The following LIG3 variants were observed in gnomAD, a reference collection of about 807,000 sequenced individuals.
LIG3 encodes the protein DNA ligase 3, also known as ligase II, DNA, ATP-dependent.
Under a neutral mutation model 110.9 loss-of-function variants are expected in LIG3, and 58 were observed. The ratio of observed to expected loss-of-function variants is 0.52; its 90% CI spans 0.42 to 0.65. The LOEUF is 0.65. LIG3 is among the 30% of genes least tolerant of loss of function. The pLI is 0.00. For missense variants in LIG3, 1,094 were observed against 1,273.8 expected (o/e 0.86, Z 2.15); for synonymous variants, 422 against 472.8 (o/e 0.89, Z 1.39).
intron 19 of LIG3, chr17:35,003,136 T>C: frequency 1.3e-6 from 2 of 1,578,692 alleles, no homozygotes; most frequent in South Asian, 2.3e-5. Context: ...AAAAGACCAG[T>C]CTGGGTGTGG....
Position 34,996,079 on chromosome 17 carries a change from G to A in LIG3, c.1627G>A (p.Asp543Asn), listed in dbSNP as rs147386726. The change falls in exon 10 of 20, where the codon GAC becomes AAC. Residue 543 changes from aspartate to asparagine, a missense_variant. Coordinates refer to ENST00000378526, the MANE Select transcript of LIG3 (RefSeq NM_013975.4). Reference sequence around the variant, plus strand: ...CTGCTTTCAGGTGGCCCACTTTAAGGACTACATTCCCCAGGCTTTTCCTGG... The same window carrying A: ...CTGCTTTCAGGTGGCCCACTTTAAGAACTACATTCCCCAGGCTTTTCCTGG... The part of the protein sequence containing the change: ...VLPHKVAHFK[D>N]YIPQAFPGGH... 2.5e-6 allele frequency: 4 copies of A among 1,613,764 alleles called. No homozygotes were observed. The highest frequency in any genetic ancestry group is 2.5e-6 in the Non-Finnish European group (3 of 1,179,860).
Position 34,996,150 on chromosome 17 carries a change from C to G in LIG3, c.1698C>G (p.Asn566Lys), listed in dbSNP as rs199764227. 13 of 1,614,156 alleles carry G rather than the reference C, an allele frequency of 8.1e-6. No homozygotes were observed. Among genetic ancestry groups the G allele is most frequent in the Non-Finnish European group, 9.3e-6 (11 of 1,180,028 alleles). ...ILDSEVLLID[N>K]KTGKPLPFGT... ...ATTCTGAAGTGCTTCTGATTGACAA[C>G]AAGACAGGCAAACCACTGCCCTTTG... is the stretch of plus-strand genomic sequence containing the variant. Residue 566 changes from asparagine to lysine, a missense_variant, in exon 10 of 20, where the codon AAC (asparagine) becomes AAG (lysine). Physicochemically the swap from Asn to Lys is moderately conservative, Grantham distance 94 (BLOSUM62 0). Coordinates refer to ENST00000378526, the MANE Select transcript of LIG3 (RefSeq NM_013975.4).
In LIG3 at chr17:34,994,028, C is replaced by G. The variant is rs570153794; in HGVS notation, c.1456-248C>G. On this transcript the variant is annotated intron_variant, in intron 8 of 19. Transcript: ENST00000378526. ...CTTTTACTTGTTGTACAATGAATAG[C>G]ATTCATATTCCTCAAAAGGCAAGCT... 3.9e-5 allele frequency among the ~76,000 whole-genome samples: 6 copies of G among 152,268 alleles called. No individual in the cohort carries two copies. In the South Asian group the frequency reaches 6.2e-4, roughly 16 times the overall value.
At position 34,991,969 on chromosome 17, in the gene LIG3, A is replaced by G. The variant is rs375415869; in HGVS notation, c.1220A>G (p.Asn407Ser). The change falls in exon 7 of 20, where the codon AAT (asparagine) becomes AGT (serine). Residue 407 changes from asparagine to serine, a missense_variant. Physicochemically the swap from Asn to Ser is conservative, Grantham distance 46 (BLOSUM62 1). Transcript: ENST00000378526. Reference sequence around the variant, plus strand: ...CTTCATCCCCCTAGGTGTACAGCCAATGACCTTAAATGCATCATCAGGTTG... The same window carrying G: ...CTTCATCCCCCTAGGTGTACAGCCAGTGACCTTAAATGCATCATCAGGTTG... ...LQDIASRCTA[N>S]DLKCIIRLIK... 1.3e-4 allele frequency: 210 copies of G among 1,614,228 alleles called. 3 individuals are homozygous for G. In the South Asian group the frequency reaches 1.9e-3, roughly 15 times the overall value.
Position 35,002,775 on chromosome 17 carries a change from C to G in LIG3, c.2782C>G (p.Leu928Val). ...GAAGCGGAAAGCTGCTGATGAGACGCTGTGCCAAACAAAGGTGAGGGTAAA... is the reference window on the plus strand; with the variant it reads ...GAAGCGGAAAGCTGCTGATGAGACGGTGTGCCAAACAAAGGTGAGGGTAAA... ...GEKRKAADET[L>V]CQTKVLLDIF... is the part of the protein sequence containing the mutation. The change falls in exon 19 of 20, where the codon CTG (leucine) becomes GTG (valine). Residue 928 changes from leucine (L) to valine (V), a missense_variant. Transcript: ENST00000378526. 6.2e-7 allele frequency: 1 copy of G among 1,603,324 alleles called. No homozygotes were observed. Among genetic ancestry groups the G allele is most frequent in the South Asian group, 1.1e-5 (1 of 89,444 alleles).
At chr17:35,003,857 A>G in intron 19 of LIG3, 1 of 176,286 alleles carries the variant, frequency 5.7e-6, no homozygotes, top group Non-Finnish European at 1.2e-5. Context: ...GAAGTCCTTG[A>G]ACCCATTGAG....
chr17:34,989,983 A>G (rs926476239), intron 4 of LIG3: 4 of 307,872 alleles, frequency 1.3e-5, no homozygotes, highest in Non-Finnish European at 2.5e-5. Context: ...TACATATTTA[A>G]TTAGGTTTTT....
intron 1 of LIG3, chr17:34,981,089 C>G (rs1274235284): frequency 6.6e-6 from 1 of 152,428 alleles, no homozygotes; most frequent in Non-Finnish European, 1.5e-5. Flanking sequence ...GGAAGCCCTT[C>G]GAGAAAAGCG....
intron 4 of LIG3, 98 bp from the exon 5 acceptor site, chr17:34,990,865 G>A: frequency 1.7e-6 from 2 of 1,154,404 alleles, no homozygotes; most frequent in South Asian, 1.5e-5. Flanking sequence ...CCAAAGTGCT[G>A]AGATTACAGG....
In LIG3 at chr17:34,998,254, G is replaced by C; in HGVS notation, c.1947G>C (p.Val649=). Reference sequence around the variant, plus strand: ...ACTTGGCTGACATGATAACCCGGGTGATCCAGGAGGGATTGGAGGGGCTGG... The same window carrying C: ...ACTTGGCTGACATGATAACCCGGGTCATCCAGGAGGGATTGGAGGGGCTGG... ...ALDLADMITR[V]IQEGLEGLVL... The change falls in exon 13 of 20, where the codon GTG becomes GTC. Residue 649 remains valine, a synonymous_variant. Transcript: ENST00000378526. The C allele has an allele frequency of 6.2e-7, 1 of 1,613,710 alleles. No homozygotes were observed. The highest frequency in any genetic ancestry group is 8.5e-7 in the Non-Finnish European group (1 of 1,179,794).
chr17:35,003,371 GCACTGCAACCTCCGCT>G (rs1183748066), intron 19 of LIG3: 2 of 297,838 alleles, frequency 6.7e-6, no homozygotes, highest in East Asian at 7.3e-5. Context: ...CAATCACAGC[GCACTGCAACCTCCGCT>G]CACTGCAACC....
At chr17:34,990,457 T>G (rs2090707062) in intron 4 of LIG3, among the ~76,000 whole-genome samples, 1 of 152,216 alleles carries the variant, frequency 6.6e-6, no homozygotes, top group Admixed American at 6.5e-5. Flanking sequence ...TTTTTGTATT[T>G]TTTGTAGAGA....
chr17:34,989,087 C>T (rs890385008), intron 3 of LIG3, among the ~76,000 whole-genome samples: 43 of 152,210 alleles, frequency 2.8e-4, no homozygotes, highest in African/African-American at 9.4e-4. Flanking sequence ...AGCAGTCCTC[C>T]CGCGTTGGCC....
At chr17:34,997,603 T>TA (rs568275788) in intron 11 of LIG3, 135 bp from the exon 12 acceptor site, 1 of 670,868 alleles carries the variant, frequency 1.5e-6, no homozygotes, top group Non-Finnish European at 2.7e-6. Context: ...GCAGAACTGT[T>TA]ACACATGAGG....
intron 19 of LIG3, 52 bp downstream of exon 19, chr17:35,002,841 G>A (rs774152113): frequency 3.2e-6 from 5 of 1,572,244 alleles, no homozygotes; most frequent in Admixed American, 1.7e-5. Context: ...CCCAGGTTGT[G>A]TTCCCAACCT....
Position 35,002,231 on chromosome 17 carries a change from A to G in LIG3, c.2674+127A>G, listed in dbSNP as rs1300238543. On this transcript the variant is annotated intron_variant, in intron 18 of 19. Transcript: ENST00000378526. ...ATTATCTGTGTCCACTGCAGTGGAC[A>G]CAGACTACATTCCTGGTGTGTGTCC... 4 of 816,890 alleles carry G rather than the reference A, an allele frequency of 4.9e-6. No homozygotes were observed. In the East Asian group the frequency reaches 1.1e-4, roughly 23 times the overall value. 50.6% of individuals were successfully genotyped at this position (816,890 alleles called of 1,614,324 possible).
intron 18 of LIG3, 67 bp downstream of exon 18, chr17:35,002,171 G>A: frequency 7.3e-7 from 1 of 1,364,302 alleles, no homozygotes; most frequent in Admixed American, 2.5e-5. Flanking sequence ...CAAGGGCAGG[G>A]ACCCAGTCTC....
intron 16 of LIG3, 79 bp downstream of exon 16, chr17:34,999,935 C>A: frequency 8.4e-7 from 1 of 1,192,814 alleles, no homozygotes; most frequent in Non-Finnish European, 1.2e-6. Context: ...GAATCCATCT[C>A]ACCTCGCTGA....
rs1297539332 is a variant in LIG3 at position 34,986,046 on chromosome 17, G to A, written c.606G>A (p.Leu202=). 1 of 1,614,146 alleles carries A rather than the reference G, an allele frequency of 6.2e-7. No individual in the cohort carries two copies. The highest frequency in any genetic ancestry group is 1.1e-5 in the South Asian group (1 of 91,068). Residue 202 remains leucine, a synonymous_variant, in exon 3 of 20, where the codon TTG becomes TTA. Transcript: ENST00000378526. ...PKKKAVVQAK[L]TTTGQVTSPV... is the part of the protein sequence containing the mutation. The stretch of plus-strand genomic sequence containing the variant: ...AGAAAGCTGTTGTCCAGGCTAAGTT[G>A]ACAACCACTGGCCAGGTGACTTCTC...
Sources: allele counts gnomAD v4.1 joint callset (sites outside exome capture counted in the v4.1 genomes callset), GRCh38; gene constraint gnomAD v4.1.1; transcripts MANE v1.5; gene names NCBI Gene and HGNC (gene_info 2026-07-23, HGNC 2026-07-21).